EPHA6: variants seen among roughly 807,000 people sequenced by gnomAD.
EPHA6 encodes the protein EPH receptor A6, also known as ephrin type-A receptor 6.
EPHA6 carries 50 observed loss-of-function variants against 112.0 expected under a neutral mutation model. The observed-to-expected ratio is 0.45, with a 90% CI of 0.36 to 0.56. The LOEUF is 0.56. Ranked by LOEUF, EPHA6 falls within the 20% of genes least tolerant of loss-of-function variation. The pLI is 0.00. For missense variants in EPHA6, 1,280 were observed against 1,417.4 expected (o/e 0.90, Z 1.56); for synonymous variants, 529 against 490.7 (o/e 1.08, Z -1.03).
chr3:97,188,363 C>T (rs1272133200), intron 3 of EPHA6, among the ~76,000 whole-genome samples: 1 of 151,704 alleles, frequency 6.6e-6, no homozygotes. Context: ...TTAAAGTAGA[C>T]ATTAAATTTT....
chr3:97,489,034 T>TCATTCTGTAAACGA (rs2091768161), intron 10 of EPHA6, among the ~76,000 whole-genome samples: 1 of 152,230 alleles, frequency 6.6e-6, no homozygotes, highest in East Asian at 1.9e-4. Flanking sequence ...TCTGTAAACT[T>TCATTCTGTAAACGA]TAACAATTTA....
At chr3:97,664,182 G>A (rs2094190034) in intron 14 of EPHA6, among the ~76,000 whole-genome samples, 2 of 152,140 alleles carry the variant, frequency 1.3e-5, no homozygotes. Context: ...TGATGGGGTT[G>A]TTTGTTTTTT....
intron 5 of EPHA6, among the ~76,000 whole-genome samples, chr3:97,293,462 G>A (rs1559857534): frequency 6.6e-6 from 1 of 152,322 alleles, no homozygotes; most frequent in East Asian, 1.9e-4. Context: ...AGCTCTCTGT[G>A]GAGAGGAGAC....
chr3:97,728,870 TCAAC>T (rs1319782942), intron 15 of EPHA6, among the ~76,000 whole-genome samples: 1 of 152,146 alleles, frequency 6.6e-6, no homozygotes, highest in Non-Finnish European at 1.5e-5. Flanking sequence ...AATCATGTCA[TCAAC>T]AACTTTTTAA....
At chr3:96,992,610 G>GTT (rs893600178) in intron 3 of EPHA6, among the ~76,000 whole-genome samples, 38 of 149,270 alleles carry the variant, frequency 2.5e-4, no homozygotes, top group Admixed American at 1.7e-3. Flanking sequence ...AATTATTCTA[G>GTT]TTTTTTTTTT....
intron 4 of EPHA6, among the ~76,000 whole-genome samples, chr3:97,241,098 A>C (rs2078832654): frequency 6.6e-6 from 1 of 151,646 alleles, no homozygotes; most frequent in African/African-American, 2.4e-5. Context: ...CGTAAGTTTT[A>C]CTGGTAGAGC....
At chr3:97,199,901 G>C (rs2077537330) in intron 3 of EPHA6, among the ~76,000 whole-genome samples, 1 of 152,074 alleles carries the variant, frequency 6.6e-6, no homozygotes, top group African/African-American at 2.4e-5. Flanking sequence ...AACTTTAATA[G>C]AGTTTCATTA....
chr3:97,684,950 C>T (rs990563304), intron 14 of EPHA6, among the ~76,000 whole-genome samples: 6 of 152,124 alleles, frequency 3.9e-5, no homozygotes, highest in East Asian at 1.9e-4. Flanking sequence ...TCACCTTTAA[C>T]GGGTATTGCA....
At chr3:97,380,618 G>T in intron 5 of EPHA6, among the ~76,000 whole-genome samples, 1 of 152,018 alleles carries the variant, frequency 6.6e-6, no homozygotes, top group East Asian at 1.9e-4. Context: ...ACTCTTAAAG[G>T]AAAAAGGTAC....
intron 3 of EPHA6, among the ~76,000 whole-genome samples, chr3:97,027,205 G>A (rs551805226): frequency 3.9e-5 from 6 of 152,174 alleles, no homozygotes; most frequent in South Asian, 4.1e-4. Flanking sequence ...ACTAAATACC[G>A]CATGTTCTCA....
At chr3:96,831,202 GT>G (rs1412325027) in intron 1 of EPHA6, among the ~76,000 whole-genome samples, 4 of 151,926 alleles carry the variant, frequency 2.6e-5, no homozygotes, top group African/African-American at 9.7e-5. Flanking sequence ...CATTTACTAT[GT>G]GATTTTGCTT....
At chr3:96,924,290 T>G (rs924836268) in intron 2 of EPHA6, among the ~76,000 whole-genome samples, 2 of 152,172 alleles carry the variant, frequency 1.3e-5, no homozygotes, top group Admixed American at 1.3e-4. Context: ...GCATGGAATG[T>G]TTTCCATTTG....
chr3:97,066,634 T>C (rs915738459), intron 3 of EPHA6, among the ~76,000 whole-genome samples: 12 of 152,188 alleles, frequency 7.9e-5, no homozygotes, highest in African/African-American at 2.9e-4. Context: ...CAGTGGCTAC[T>C]ACCTTTTCCA....
At chr3:97,440,275 A>T (rs1055064125) in intron 6 of EPHA6, among the ~76,000 whole-genome samples, 2 of 152,086 alleles carry the variant, frequency 1.3e-5, no homozygotes, top group Non-Finnish European at 2.9e-5. Context: ...GACAGTTTTA[A>T]TCTGTTGGAA....
At chr3:96,840,366 T>C (rs1425184695) in intron 1 of EPHA6, among the ~76,000 whole-genome samples, 1 of 152,138 alleles carries the variant, frequency 6.6e-6, no homozygotes, top group African/African-American at 2.4e-5. Flanking sequence ...TATTTTTCTC[T>C]TGACTCTTGA....
chr3:96,982,461 T>A (rs1233222675), intron 2 of EPHA6, among the ~76,000 whole-genome samples: 1 of 152,038 alleles, frequency 6.6e-6, no homozygotes, highest in Non-Finnish European at 1.5e-5. Flanking sequence ...TGCTGAGGAG[T>A]GCTTTACTTC....
At chr3:96,861,293 C>CT (rs2035989170) in intron 1 of EPHA6, among the ~76,000 whole-genome samples, 1 of 152,048 alleles carries the variant, frequency 6.6e-6, no homozygotes, top group African/African-American at 2.4e-5. Context: ...TAGAGTATAA[C>CT]TTGCTTTCTA....
intron 5 of EPHA6, among the ~76,000 whole-genome samples, chr3:97,253,060 C>G (rs1311497191): frequency 6.6e-6 from 1 of 151,996 alleles, no homozygotes; most frequent in Non-Finnish European, 1.5e-5. Context: ...AGCTAACAGT[C>G]TTTTACTCTT....
chr3:96,873,697 A>G (rs1030800506), intron 2 of EPHA6, among the ~76,000 whole-genome samples: 1 of 152,128 alleles, frequency 6.6e-6, no homozygotes, highest in Admixed American at 6.6e-5. Flanking sequence ...AAATCGGTAA[A>G]GGAAGATTTC....
Sources: gnomAD v4.1 joint callset for allele counts (sites outside exome capture counted in the v4.1 genomes callset) on GRCh38, gnomAD v4.1.1 for gene constraint, MANE v1.5 for transcripts, NCBI Gene and HGNC (gene_info 2026-07-23, HGNC 2026-07-21) for gene names.